Variants in NEMF observed in about 807,000 individuals in gnomAD.
NEMF encodes nuclear export mediator factor, also known as ribosome quality control complex subunit NEMF.
Under a neutral mutation model 162.2 loss-of-function variants are expected in NEMF, and 89 were observed. The ratio of observed to expected loss-of-function variants is 0.55; its 90% confidence interval spans 0.46 to 0.65. NEMF has a LOEUF of 0.65. NEMF is among the 30% of genes least tolerant of loss of function. The pLI, the probability that NEMF is intolerant of heterozygous loss-of-function variation, is 0.00. For synonymous variants in NEMF, 421 were observed against 404.5 expected, an observed-to-expected ratio of 1.04 and a Z score of -0.49; for missense variants, 1,133 against 1,261.9, an observed-to-expected ratio of 0.90 and a Z score of 1.55.
chr14:49,808,087 T>C lies in NEMF; in HGVS notation c.1745-1954A>G, dbSNP rs1340525316. Among the ~76,000 whole-genome samples the C allele has an allele frequency of 4.6e-5, 7 of 152,182 alleles. No individual in the cohort carries two copies. In the East Asian group the frequency reaches 1.2e-3, roughly 25 times the overall value. ...AGGAATTCTTTGGACACTAGACTCATCAGATATATGATTTGCAAATATTTT... is the reference window on the plus strand; with the variant it reads ...AGGAATTCTTTGGACACTAGACTCACCAGATATATGATTTGCAAATATTTT... On this transcript the variant is annotated intron_variant, in intron 18 of 32. Transcript: ENST00000298310.
intron 20 of NEMF, 134 bp downstream of exon 20, chr14:49,803,103 T>C: frequency 3.0e-6 from 2 of 667,902 alleles, no homozygotes; most frequent in East Asian, 5.6e-5. Context: ...CAAAAATTTC[T>C]TTACTTCATA....
intron 13 of NEMF, 83 bp from the exon 14 acceptor site, chr14:49,828,890 A>G: frequency 7.6e-7 from 1 of 1,318,692 alleles, no homozygotes; most frequent in Non-Finnish European, 1.0e-6. Flanking sequence ...AAAATTATAA[A>G]TGGTTTACAG....
At chr14:49,806,654 T>C (rs1891231985) in intron 18 of NEMF, among the ~76,000 whole-genome samples, 1 of 151,900 alleles carries the variant, frequency 6.6e-6, no homozygotes, top group African/African-American at 2.4e-5. Flanking sequence ...TACTCCTATT[T>C]ACAGAGCAAG....
intron 8 of NEMF, 136 bp downstream of exon 8, chr14:49,833,287 C>A (rs1381698977): frequency 2.1e-6 from 1 of 486,044 alleles, no homozygotes; most frequent in African/African-American, 2.0e-5. Flanking sequence ...AAAAAACTAT[C>A]CTGGAATAAG....
At chr14:49,841,489 G>A (rs1429870955) in intron 4 of NEMF, among the ~76,000 whole-genome samples, 1 of 147,996 alleles carries the variant, frequency 6.8e-6, no homozygotes, top group Admixed American at 6.9e-5. Context: ...CAGGAGAATC[G>A]CTTGAACCTG....
At chr14:49,803,574 G>A (rs913563304) in intron 19 of NEMF, among the ~76,000 whole-genome samples, 1 of 147,130 alleles carries the variant, frequency 6.8e-6, no homozygotes, top group East Asian at 2.0e-4. Flanking sequence ...TGCCCAAGCT[G>A]AAGTGCAGTG....
intron 18 of NEMF, among the ~76,000 whole-genome samples, chr14:49,810,527 A>G (rs1891427284): frequency 6.6e-6 from 1 of 152,170 alleles, no homozygotes. Context: ...TCCTCATGCC[A>G]GTACCAGTGT....
At chr14:49,845,434 ATTTTTAAGATGT>A (rs774831426) in intron 4 of NEMF, among the ~76,000 whole-genome samples, 5 of 152,062 alleles carry the variant, frequency 3.3e-5, no homozygotes. Flanking sequence ...AGCCAAATTT[ATTTTTAAGATGT>A]TTTTCTTTCT....
chr14:49,826,158 TCTAAA>T (rs1440669449), intron 15 of NEMF, among the ~76,000 whole-genome samples: 2 of 152,048 alleles, frequency 1.3e-5, no homozygotes, highest in Non-Finnish European at 2.9e-5. Flanking sequence ...ATTAAAATAA[TCTAAA>T]CTAAAGAATT....
intron 18 of NEMF, among the ~76,000 whole-genome samples, chr14:49,810,091 G>A (rs910761308): frequency 6.6e-6 from 1 of 152,028 alleles, no homozygotes; most frequent in Non-Finnish European, 1.5e-5. Context: ...AAAAGAGGCC[G>A]GGTGCGGTGG....
intron 26 of NEMF, 144 bp downstream of exon 26, chr14:49,795,647 G>A: frequency 1.5e-6 from 1 of 671,748 alleles, no homozygotes; most frequent in African/African-American, 1.8e-5. Context: ...CCTAAATGCT[G>A]TATCTACTCA....
intron 28 of NEMF, among the ~76,000 whole-genome samples, chr14:49,788,832 C>T (rs1284951063): frequency 6.6e-6 from 1 of 152,126 alleles, no homozygotes; most frequent in African/African-American, 2.4e-5. Flanking sequence ...GCTGGGATTA[C>T]AGGCGTGAGC....
At chr14:49,838,997 T>C (rs1346309451) in intron 5 of NEMF, among the ~76,000 whole-genome samples, 1 of 152,126 alleles carries the variant, frequency 6.6e-6, no homozygotes, top group African/African-American at 2.4e-5. Context: ...CTAGATCTAC[T>C]GAATTAGCAG....
intron 11 of NEMF, among the ~76,000 whole-genome samples, chr14:49,830,636 C>T (rs529439895): frequency 1.1e-4 from 17 of 152,352 alleles, no homozygotes; most frequent in Non-Finnish European, 1.6e-4. Context: ...CTGCCCGCCT[C>T]GGCCTCCCAA....
chr14:49,786,493 G>A (rs1890186109), intron 29 of NEMF: 1 of 550,602 alleles, frequency 1.8e-6, no homozygotes, highest in Non-Finnish European at 3.2e-6. Context: ...CTCCTGGGTA[G>A]GGACATTATC....
In NEMF at chr14:49,789,488, T is replaced by G; in HGVS notation, c.2697+8A>C. ...GCAAAAGAAAAAATGTTTTTAGATG[T>G]TATTTACCCCCAGCAACTTCATGAT... On this transcript the variant is annotated splice_region_variant and intron_variant, in intron 27 of 32. Coordinates refer to ENST00000298310, the MANE Select transcript of NEMF (RefSeq NM_004713.6). 1 of 1,611,514 alleles carries G rather than the reference T, an allele frequency of 6.2e-7. No homozygotes were observed. The highest frequency in any genetic ancestry group is 2.2e-5 in the East Asian group (1 of 44,870).
In NEMF at chr14:49,804,768, T is replaced by C. The variant is rs376297833; in HGVS notation, c.1857+1253A>G. On this transcript the variant is annotated intron_variant, in intron 19 of 32. Transcript: ENST00000298310. ...GCAAGGGGCCAAGTGTGCTAGCTCA[T>C]GCCTGTAATCCCAGCATTTTGGGAG... Among the ~76,000 whole-genome samples the C allele has an allele frequency of 1.7e-3, 257 of 152,228 alleles. 1 individual carries two copies. The highest frequency in any genetic ancestry group is 6.8e-3 in the Middle Eastern group (2 of 294).
At chr14:49,839,165 C>T (rs929872827) in intron 5 of NEMF, among the ~76,000 whole-genome samples, 3 of 151,754 alleles carry the variant, frequency 2.0e-5, no homozygotes, top group Non-Finnish European at 4.4e-5. Context: ...GCAACCTCTG[C>T]CTCCTGGGTT....
Position 49,828,562 on chromosome 14 carries a change from C to T in NEMF, c.1424+54G>A, listed in dbSNP as rs1318052783. 3.7e-6 allele frequency: 5 copies of T among 1,369,472 alleles called. No homozygotes were observed. In the South Asian group the frequency reaches 7.2e-5, roughly 20 times the overall value. The allele number at this position is 1,369,472 out of a possible 1,614,324, so 84.8% of individuals were successfully genotyped here. On this transcript the variant is annotated intron_variant, in intron 14 of 32. Coordinates refer to ENST00000298310, the MANE Select transcript of NEMF (RefSeq NM_004713.6). The stretch of plus-strand genomic sequence containing the variant: ...AAAATTTTTTAAAATGTCCTTAATT[C>T]CTTAATTTATTGCAGATAACACTTG...
Sources: allele counts gnomAD v4.1 joint callset (sites outside exome capture counted in the v4.1 genomes callset), GRCh38; gene constraint gnomAD v4.1.1; transcripts MANE v1.5; gene names NCBI Gene and HGNC (gene_info 2026-07-23, HGNC 2026-07-21).